Variants in MAN2A1 observed in about 807,000 individuals in gnomAD.
MAN2A1 encodes the protein mannosidase alpha class 2A member 1.
MAN2A1 carries 76 observed loss-of-function variants against 142.6 expected under a neutral mutation model. That is an observed-to-expected ratio of 0.53 (90% CI 0.44 to 0.65). MAN2A1 has a LOEUF of 0.65. Among genes scored for constraint, MAN2A1 ranks in the 30% least tolerant of loss-of-function variants. The pLI, the probability that MAN2A1 is intolerant of heterozygous loss-of-function variation, is 0.00. For synonymous variants in MAN2A1, 559 were observed against 473.2 expected, an observed-to-expected ratio of 1.18 and a Z score of -2.35; for missense variants, 1,311 against 1,365.1, an observed-to-expected ratio of 0.96 and a Z score of 0.62.
At chr5:109,719,539 A>T (rs1177124857) in intron 3 of MAN2A1, among the ~76,000 whole-genome samples, 22 of 152,164 alleles carry the variant, frequency 1.4e-4, no homozygotes, top group Admixed American at 1.4e-3. Context: ...ATACTCCTAA[A>T]TGAATGTGCA....
intron 12 of MAN2A1, chr5:109,804,135 T>G: frequency 1.0e-6 from 1 of 986,436 alleles, no homozygotes; most frequent in Non-Finnish European, 1.2e-6. Context: ...AACTAGATTT[T>G]TTTTCCTTCT....
intron 1 of MAN2A1, among the ~76,000 whole-genome samples, chr5:109,706,890 T>A (rs1035963421): frequency 1.3e-5 from 2 of 152,212 alleles, no homozygotes; most frequent in African/African-American, 2.4e-5. Context: ...ACAGCTCTTA[T>A]AACTAGAAAC....
chr5:109,777,158 T>C (rs1205513010), intron 8 of MAN2A1, among the ~76,000 whole-genome samples: 2 of 152,142 alleles, frequency 1.3e-5, no homozygotes, highest in African/African-American at 4.8e-5. Context: ...AGCTTTAGTA[T>C]ATATTGCCAA....
chr5:109,804,713 G>A (rs1754119459), intron 12 of MAN2A1, among the ~76,000 whole-genome samples: 2 of 152,136 alleles, frequency 1.3e-5, no homozygotes, highest in South Asian at 4.1e-4. Flanking sequence ...TTACTAATGT[G>A]AAGAGATGTA....
rs145556668 is a variant in MAN2A1, at chr5:109,740,411, C to T, written c.707+10898C>T. Among the ~76,000 whole-genome samples, 157 of 152,256 alleles carry T rather than the reference C, an allele frequency of 1.0e-3. 1 individual carries two copies. In the East Asian group the frequency reaches 0.023, roughly 23 times the overall value. ...TCCCTCTAGCTTTGTTTTTGTGTGG[C>T]CTGTAAGCCAGGTAGGAGATGTGTG... is the stretch of plus-strand genomic sequence containing the variant. On this transcript the variant is annotated intron_variant, in intron 4 of 21. Coordinates refer to ENST00000261483, the MANE Select transcript of MAN2A1 (RefSeq NM_002372.4).
At position 109,866,833 on chromosome 5, in the gene MAN2A1, AT is replaced by A. The variant is rs1755895324; in HGVS notation, c.3283-10del. ...TTGATCTAAATATGTAAATTTTATC[AT>A]TTACTTTTCAGATATTGGTACAGAA... On this transcript the variant is annotated splice_polypyrimidine_tract_variant and intron_variant, in intron 21 of 21. Coordinates refer to ENST00000261483, the MANE Select transcript of MAN2A1 (RefSeq NM_002372.4). 6.4e-7 allele frequency: 1 copy of A among 1,564,828 alleles called. No homozygotes were observed. Among genetic ancestry groups the A allele is most frequent in the Non-Finnish European group, 8.8e-7 (1 of 1,141,678 alleles).
At chr5:109,702,479 T>G (rs968006917) in intron 1 of MAN2A1, among the ~76,000 whole-genome samples, 1 of 152,064 alleles carries the variant, frequency 6.6e-6, no homozygotes, top group Non-Finnish European at 1.5e-5. Context: ...CAGACAGATT[T>G]CTGAGAATAC....
chr5:109,784,146 C>T (rs534196360), intron 9 of MAN2A1, among the ~76,000 whole-genome samples: 26 of 152,174 alleles, frequency 1.7e-4, no homozygotes, highest in African/African-American at 5.3e-4. Context: ...CATGCCCAGC[C>T]GACATACTGT....
At chr5:109,740,730 T>G (rs1278679791) in intron 4 of MAN2A1, among the ~76,000 whole-genome samples, 1 of 56,948 alleles carries the variant, frequency 1.8e-5, no homozygotes, top group Non-Finnish European at 3.4e-5. Flanking sequence ...TCTCAGAATC[T>G]TCTTATTTAT....
chr5:109,755,230 T>TA (rs148653396), intron 4 of MAN2A1, 99 bp from the exon 5 acceptor site: 19,797 of 917,422 alleles, frequency 0.022, 269 homozygotes, highest in Non-Finnish European at 0.027. Flanking sequence ...ACATACTGGT[T>TA]ATATTTAAAG....
chr5:109,783,184 G>A (rs1013061387), intron 9 of MAN2A1, among the ~76,000 whole-genome samples: 15 of 152,108 alleles, frequency 9.9e-5, no homozygotes, highest in Non-Finnish European at 1.9e-4. Context: ...TCAAGGCATT[G>A]TGGTTACTGC....
In MAN2A1 at chr5:109,729,338, T is replaced by G; in HGVS notation, c.536-4T>G. 1.3e-6 allele frequency: 2 copies of G among 1,593,520 alleles called. No individual in the cohort carries two copies. The highest frequency in any genetic ancestry group is 1.7e-6 in the Non-Finnish European group (2 of 1,169,524). ...CTTTGTGGTATATTTGTGTCTTGAT[T>G]TAGGTTGGTTGAAGACTTTCAATGA... is the stretch of plus-strand genomic sequence containing the variant. On this transcript the variant is annotated splice_region_variant and splice_polypyrimidine_tract_variant and intron_variant, in intron 3 of 21. Transcript: ENST00000261483.
chr5:109,776,847 A>G (rs934028944), intron 8 of MAN2A1, among the ~76,000 whole-genome samples: 1 of 152,048 alleles, frequency 6.6e-6, no homozygotes, highest in African/African-American at 2.4e-5. Context: ...GACCATACAC[A>G]TGTACTTTGT....
chr5:109,794,868 T>C (rs769606971), intron 12 of MAN2A1, among the ~76,000 whole-genome samples: 27 of 152,182 alleles, frequency 1.8e-4, no homozygotes, highest in Non-Finnish European at 3.7e-4. Flanking sequence ...CTGTCTCTGT[T>C]ATGTGTTAAC....
chr5:109,728,170 A>T (rs1751798364), intron 3 of MAN2A1, among the ~76,000 whole-genome samples: 1 of 152,232 alleles, frequency 6.6e-6, no homozygotes, highest in African/African-American at 2.4e-5. Context: ...TAAATAAGTC[A>T]TAGCTGCAGT....
chr5:109,705,975 T>C (rs535463118), intron 1 of MAN2A1, among the ~76,000 whole-genome samples: 1 of 152,362 alleles, frequency 6.6e-6, no homozygotes, highest in African/African-American at 2.4e-5. Context: ...CTGCAAAGCC[T>C]TAAAATTAAT....
At chr5:109,726,620 C>T (rs1434717610) in intron 3 of MAN2A1, among the ~76,000 whole-genome samples, 6 of 152,138 alleles carry the variant, frequency 3.9e-5, no homozygotes, top group Non-Finnish European at 8.8e-5. Context: ...CACTGTGATT[C>T]CTCTGTGAAA....
intron 3 of MAN2A1, among the ~76,000 whole-genome samples, chr5:109,717,304 C>A (rs1561476047): frequency 6.6e-6 from 1 of 151,982 alleles, no homozygotes; most frequent in African/African-American, 2.4e-5. Context: ...AAATATGTTA[C>A]TTTAGGTCTG....
intron 9 of MAN2A1, among the ~76,000 whole-genome samples, chr5:109,782,051 A>G (rs1259879954): frequency 6.6e-6 from 1 of 152,190 alleles, no homozygotes; most frequent in African/African-American, 2.4e-5. Context: ...AAACTAATGT[A>G]TTTTGTATGT....
Sources: gnomAD v4.1 joint callset for allele counts (sites outside exome capture counted in the v4.1 genomes callset) on GRCh38, gnomAD v4.1.1 for gene constraint, MANE v1.5 for transcripts, NCBI Gene and HGNC (gene_info 2026-07-23, HGNC 2026-07-21) for gene names.